Variants in SLC39A12 observed in about 807,000 individuals in gnomAD.
The protein encoded by SLC39A12 is zinc transporter ZIP12.
In SLC39A12, 63 loss-of-function variants were observed where a neutral mutation model predicts 71.1. The observed-to-expected ratio is 0.89, with a 90% CI of 0.72 to 1.09. The LOEUF is 1.09. Among genes scored for constraint, SLC39A12 ranks in the 50% least tolerant of loss-of-function variants. The pLI is 0.00. For missense variants in SLC39A12, 892 were observed against 812.6 expected (o/e 1.10, Z -1.19); for synonymous variants, 351 against 301.3 (o/e 1.16, Z -1.71).
At chr10:18,022,266 T>A (rs1780015778) in intron 12 of SLC39A12, among the ~76,000 whole-genome samples, 1 of 152,294 alleles carries the variant, frequency 6.6e-6, no homozygotes, top group East Asian at 1.9e-4. Flanking sequence ...TGCCAATGAG[T>A]CATAGATTTT....
Position 17,965,635 on chromosome 10 carries a change from C to A in SLC39A12, c.696C>A (p.Tyr232Ter). The stretch of plus-strand genomic sequence containing the variant: ...AAGGAAACTTGCCTTCCCCAGACTA[C>A]TTTACAGAATATATTTTCAGTTCCT... The part of the protein sequence containing the change: ...LGQGNLPSPD[Y>*]FTEYIFSSLN... The change falls in exon 4 of 13, where the codon TAC (tyrosine) becomes TAA (stop). Residue 232 changes from tyrosine to a stop codon, truncating the protein, a stop_gained. Transcript: ENST00000377369. LOFTEE classifies it high-confidence loss of function. The A allele has an allele frequency of 6.2e-7, 1 of 1,614,170 alleles. No homozygotes were observed. Among genetic ancestry groups the A allele is most frequent in the Non-Finnish European group, 8.5e-7 (1 of 1,180,014 alleles).
intron 4 of SLC39A12, among the ~76,000 whole-genome samples, chr10:17,966,604 C>T (rs1335117257): frequency 6.6e-6 from 1 of 151,864 alleles, no homozygotes; most frequent in African/African-American, 2.4e-5. Context: ...TGCTACTGTG[C>T]CCAGTTGGAT....
intron 12 of SLC39A12, among the ~76,000 whole-genome samples, chr10:18,034,918 G>T (rs1410814544): frequency 1.3e-5 from 2 of 151,818 alleles, no homozygotes; most frequent in African/African-American, 4.8e-5. Context: ...GCTTAATTTG[G>T]CTGGATATGA....
Position 17,993,213 on chromosome 10 carries a change from T to A in SLC39A12, c.1455T>A (p.Gly485=). The change falls in exon 9 of 13, where the codon GGT becomes GGA. Residue 485 remains glycine, a synonymous_variant. Coordinates refer to ENST00000377369, the MANE Select transcript of SLC39A12 (RefSeq NM_001145195.2). ...TGTCATTGGTTAATGGGCACGTGGGTCATTCCCACCATCTTGCACTCAACT... is the reference window on the plus strand; with the variant it reads ...TGTCATTGGTTAATGGGCACGTGGGACATTCCCACCATCTTGCACTCAACT... ...QGLSLVNGHV[G]HSHHLALNSE... The A allele has an allele frequency of 6.4e-7, 1 of 1,551,652 alleles. No homozygotes were observed. Among genetic ancestry groups the A allele is most frequent in the Non-Finnish European group, 8.7e-7 (1 of 1,146,914 alleles).
chr10:17,963,607 A>G (rs1834747513), intron 3 of SLC39A12, among the ~76,000 whole-genome samples: 1 of 152,192 alleles, frequency 6.6e-6, no homozygotes, highest in South Asian at 2.1e-4. Flanking sequence ...GTTCCTGGGA[A>G]GGGTCCATGA....
chr10:17,980,268 T>C (rs1835217767), intron 5 of SLC39A12, among the ~76,000 whole-genome samples: 1 of 152,186 alleles, frequency 6.6e-6, no homozygotes, highest in South Asian at 2.1e-4. Context: ...TCTAAAGATT[T>C]TTATGTGGGG....
At chr10:17,958,681 T>C (rs1834610769) in intron 2 of SLC39A12, among the ~76,000 whole-genome samples, 2 of 152,198 alleles carry the variant, frequency 1.3e-5, no homozygotes, top group South Asian at 4.1e-4. Flanking sequence ...GCTTTAGTCT[T>C]GGTTTTCACA....
intron 11 of SLC39A12, chr10:18,002,933 T>C: frequency 4.7e-6 from 2 of 425,050 alleles, no homozygotes; most frequent in Non-Finnish European, 8.4e-6. Context: ...TCTCTGTAGA[T>C]ACAATCTTTA....
chr10:18,028,704 G>A (rs923958511), intron 12 of SLC39A12, among the ~76,000 whole-genome samples: 5 of 152,036 alleles, frequency 3.3e-5, no homozygotes, highest in African/African-American at 1.2e-4. Flanking sequence ...ATTGACTCAA[G>A]TTTAAAACAT....
At chr10:17,964,819 G>C (rs1834781255) in intron 3 of SLC39A12, among the ~76,000 whole-genome samples, 1 of 152,198 alleles carries the variant, frequency 6.6e-6, no homozygotes, top group South Asian at 2.1e-4. Context: ...TTCTCCTGCA[G>C]GTTGCACTTA....
chr10:17,999,674 C>T (rs1412945903), intron 10 of SLC39A12, among the ~76,000 whole-genome samples: 3 of 152,176 alleles, frequency 2.0e-5, no homozygotes, highest in African/African-American at 7.2e-5. Context: ...TCCATGAAGA[C>T]AGAAGCTTCT....
intron 12 of SLC39A12, chr10:18,007,172 C>A (rs761425764): frequency 6.6e-6 from 1 of 152,336 alleles, no homozygotes; most frequent in Non-Finnish European, 1.5e-5. Flanking sequence ...CATCTCTGCT[C>A]TCCAGCATCC....
At chr10:17,988,622 G>A (rs137971820) in intron 7 of SLC39A12, among the ~76,000 whole-genome samples, 40 of 152,296 alleles carry the variant, frequency 2.6e-4, no homozygotes, top group Non-Finnish European at 5.6e-4. Context: ...CTGCCCAGAA[G>A]GCTGCATCTC....
chr10:17,982,311 T>A (rs887065605), intron 6 of SLC39A12, among the ~76,000 whole-genome samples: 1 of 152,162 alleles, frequency 6.6e-6, no homozygotes, highest in Non-Finnish European at 1.5e-5. Context: ...AAAAATATCT[T>A]CAGTAAATTT....
At chr10:18,012,620 G>C (rs1312046463) in intron 12 of SLC39A12, among the ~76,000 whole-genome samples, 2 of 152,110 alleles carry the variant, frequency 1.3e-5, no homozygotes, top group Non-Finnish European at 2.9e-5. Flanking sequence ...TGTAATCCCA[G>C]CACTTTGGGA....
chr10:17,986,631 A>G (rs1835404935), intron 6 of SLC39A12, among the ~76,000 whole-genome samples: 1 of 152,252 alleles, frequency 6.6e-6, no homozygotes, highest in African/African-American at 2.4e-5. Flanking sequence ...CAACATGTGA[A>G]TTTTGCGGAG....
At chr10:17,963,186 A>G (rs1398579935) in intron 3 of SLC39A12, among the ~76,000 whole-genome samples, 1 of 152,144 alleles carries the variant, frequency 6.6e-6, no homozygotes, top group Non-Finnish European at 1.5e-5. Context: ...AGGAAAAAAA[A>G]AAGAAAAGAA....
At chr10:17,991,021 A>G (rs1589234851) in intron 7 of SLC39A12, 130 bp from the exon 8 acceptor site, 1 of 916,156 alleles carries the variant, frequency 1.1e-6, no homozygotes, top group East Asian at 2.9e-5. Flanking sequence ...GATTGTATTA[A>G]TAGTTGTCAC....
chr10:18,021,652 T>C (rs969299063), intron 12 of SLC39A12, among the ~76,000 whole-genome samples: 1 of 152,166 alleles, frequency 6.6e-6, no homozygotes, highest in Non-Finnish European at 1.5e-5. Flanking sequence ...ATGGATTTGA[T>C]CATGTCATCA....
Sources: allele counts gnomAD v4.1 joint callset (sites outside exome capture counted in the v4.1 genomes callset), GRCh38; gene constraint gnomAD v4.1.1; transcripts MANE v1.5; gene names NCBI Gene and HGNC (gene_info 2026-07-23, HGNC 2026-07-21).